Variants in SLC25A21 observed in about 807,000 individuals in gnomAD.
SLC25A21 encodes the protein mitochondrial 2-oxodicarboxylate carrier.
In SLC25A21, 47 loss-of-function variants were observed where a neutral mutation model predicts 43.8. The ratio of observed to expected loss-of-function variants is 1.07; its 90% confidence interval spans 0.85 to 1.37. The LOEUF is 1.37. Ranked by LOEUF, SLC25A21 falls within the 40% of genes most tolerant of loss-of-function variation. SLC25A21 has a pLI of 0.00. For synonymous variants in SLC25A21, 131 were observed against 121.3 expected (o/e 1.08, Z -0.52); for missense variants, 352 against 350.2 (o/e 1.00, Z -0.04).
intron 1 of SLC25A21, among the ~76,000 whole-genome samples, chr14:37,068,909 T>C (rs1026415839): frequency 2.0e-5 from 3 of 152,162 alleles, no homozygotes; most frequent in African/African-American, 7.2e-5. Context: ...GCGCGGTGGC[T>C]CACGCCTGTA....
At chr14:36,963,700 C>T (rs1594723118) in intron 1 of SLC25A21, among the ~76,000 whole-genome samples, 1 of 152,168 alleles carries the variant, frequency 6.6e-6, no homozygotes, top group Non-Finnish European at 1.5e-5. Flanking sequence ...TTACTTAGCG[C>T]CAGGCCAGGC....
At chr14:36,801,247 CTT>C (rs553886018) in intron 3 of SLC25A21, among the ~76,000 whole-genome samples, 6 of 152,168 alleles carry the variant, frequency 3.9e-5, no homozygotes, top group Non-Finnish European at 8.8e-5. Context: ...CCCTAGGTTT[CTT>C]GGAGTTTCCT....
At chr14:36,687,674 C>T (rs1473804194) in intron 7 of SLC25A21, among the ~76,000 whole-genome samples, 3 of 152,196 alleles carry the variant, frequency 2.0e-5, no homozygotes, top group African/African-American at 7.2e-5. Flanking sequence ...GCGAGGACAA[C>T]TGTCTCAGCT....
chr14:36,879,641 A>C (rs1890651842), intron 1 of SLC25A21, among the ~76,000 whole-genome samples: 1 of 152,104 alleles, frequency 6.6e-6, no homozygotes, highest in African/African-American at 2.4e-5. Context: ...CCTCAAGTAC[A>C]TGCCTTCGCC....
chr14:36,965,057 T>G (rs17767326), intron 1 of SLC25A21, among the ~76,000 whole-genome samples: 13,745 of 152,216 alleles, frequency 0.09, 829 homozygotes, highest in Non-Finnish European at 0.14. Context: ...TGTGGTTACT[T>G]TTAAAGAATC....
intron 1 of SLC25A21, among the ~76,000 whole-genome samples, chr14:37,035,517 TC>T (rs2138775039): frequency 6.6e-6 from 1 of 152,240 alleles, no homozygotes; most frequent in South Asian, 2.1e-4. Context: ...TCTGGGGAGG[TC>T]CAGTGTTGAT....
rs1465214475 is a variant in SLC25A21, at chr14:36,984,784, G to A, written c.71-109780C>T. 3.9e-5 allele frequency among the ~76,000 whole-genome samples: 6 copies of A among 152,144 alleles called. No individual in the cohort carries two copies. The East Asian group carries it at 1.2e-3, about 29-fold the overall frequency. ...CCACAGACCCCAAGAGTTTCACCAA[G>A]TGTCCCAGTTTATCCATTTGACCCA... On this transcript the variant is annotated intron_variant, in intron 1 of 9. Transcript: ENST00000331299.
At chr14:37,157,014 T>C (rs946970519) in intron 1 of SLC25A21, among the ~76,000 whole-genome samples, 2 of 152,178 alleles carry the variant, frequency 1.3e-5, no homozygotes, top group African/African-American at 2.4e-5. Flanking sequence ...TTCTCCAGGA[T>C]AGACCATATG....
chr14:37,115,032 A>G (rs1450087961), intron 1 of SLC25A21, among the ~76,000 whole-genome samples: 1 of 152,154 alleles, frequency 6.6e-6, no homozygotes, highest in Non-Finnish European at 1.5e-5. Flanking sequence ...CCAAAATAAT[A>G]TCTGGCTCCA....
At chr14:36,910,680 T>G (rs1891664305) in intron 1 of SLC25A21, among the ~76,000 whole-genome samples, 1 of 152,212 alleles carries the variant, frequency 6.6e-6, no homozygotes, top group South Asian at 2.1e-4. Context: ...AAGATTTTAA[T>G]CATTTCGTGG....
At chr14:36,915,588 A>G (rs560229103) in intron 1 of SLC25A21, among the ~76,000 whole-genome samples, 4 of 152,214 alleles carry the variant, frequency 2.6e-5, no homozygotes, top group African/African-American at 9.6e-5. Context: ...CCGAAGTGAA[A>G]GGATCATGCC....
chr14:36,978,377 T>C (rs1278504908), intron 1 of SLC25A21, among the ~76,000 whole-genome samples: 1 of 152,208 alleles, frequency 6.6e-6, no homozygotes, highest in Non-Finnish European at 1.5e-5. Flanking sequence ...GATAGTGTTA[T>C]GCCTAAAAAA....
intron 1 of SLC25A21, among the ~76,000 whole-genome samples, chr14:37,007,886 C>T (rs1225528516): frequency 6.6e-6 from 1 of 152,146 alleles, no homozygotes; most frequent in East Asian, 1.9e-4. Context: ...ACAATTTCCA[C>T]TTAAACTTTC....
intron 2 of SLC25A21, among the ~76,000 whole-genome samples, chr14:36,868,516 C>CT (rs1890276582): frequency 2.6e-5 from 4 of 152,250 alleles, no homozygotes; most frequent in African/African-American, 7.2e-5. Context: ...GCAGAATAAA[C>CT]TTTTTTCCTA....
chr14:37,130,105 A>C (rs1963368059), intron 1 of SLC25A21, among the ~76,000 whole-genome samples: 1 of 137,066 alleles, frequency 7.3e-6, no homozygotes, highest in African/African-American at 2.7e-5. Context: ...AAAAAAAAAC[A>C]ACTTTAAATT....
At chr14:37,049,404 T>A (rs1362323714) in intron 1 of SLC25A21, among the ~76,000 whole-genome samples, 1 of 151,956 alleles carries the variant, frequency 6.6e-6, no homozygotes, top group Non-Finnish European at 1.5e-5. Flanking sequence ...TGAGACCCCA[T>A]CTCTACAAAA....
At chr14:36,942,899 A>G (rs1892598834) in intron 1 of SLC25A21, among the ~76,000 whole-genome samples, 3 of 152,176 alleles carry the variant, frequency 2.0e-5, no homozygotes, top group African/African-American at 4.8e-5. Context: ...TTTTTCCTTC[A>G]TGGCACTTTT....
intron 1 of SLC25A21, among the ~76,000 whole-genome samples, chr14:36,889,274 T>C (rs1440358107): frequency 6.6e-6 from 1 of 152,226 alleles, no homozygotes; most frequent in Non-Finnish European, 1.5e-5. Flanking sequence ...GTGGATTAAT[T>C]AGGATAATCT....
chr14:37,049,929 T>C lies in SLC25A21; in HGVS notation c.70+122352A>G, dbSNP rs527390071. The stretch of plus-strand genomic sequence containing the variant: ...AAGTCCAGTGGTCAATAGCCACATA[T>C]AGCTAATGGCTACTATATTGGACAG... On this transcript the variant is annotated intron_variant, in intron 1 of 9. Coordinates refer to ENST00000331299, the MANE Select transcript of SLC25A21 (RefSeq NM_030631.4). Among the ~76,000 whole-genome samples, 12 of 152,294 alleles carry C rather than the reference T, an allele frequency of 7.9e-5. No individual in the cohort carries two copies. The South Asian group carries it at 2.3e-3, about 29-fold the overall frequency.
Sources: allele counts gnomAD v4.1 joint callset (sites outside exome capture counted in the v4.1 genomes callset), GRCh38; gene constraint gnomAD v4.1.1; transcripts MANE v1.5; gene names NCBI Gene and HGNC (gene_info 2026-07-23, HGNC 2026-07-21).